Variants in AFDN observed in about 807,000 individuals in gnomAD.
The protein encoded by AFDN is afadin.
In AFDN, 68 loss-of-function variants were observed where a neutral mutation model predicts 216.6. The ratio of observed to expected loss-of-function variants is 0.31; its 90% CI spans 0.26 to 0.38. The LOEUF (loss-of-function observed/expected upper bound fraction) is 0.38. AFDN is among the 10% of genes least tolerant of loss of function. The probability of loss-of-function intolerance (pLI) is 1.00; values close to 1 mark genes in which losing one functional copy is unlikely to be tolerated. For synonymous variants in AFDN, 868 were observed against 853.7 expected (o/e 1.02, Z -0.29); for missense variants, 2,136 against 2,342.0 (o/e 0.91, Z 1.82).
chr6:167,946,277 G>C (rs1795245014), intron 26 of AFDN, among the ~76,000 whole-genome samples: 1 of 152,138 alleles, frequency 6.6e-6, no homozygotes, highest in South Asian at 2.1e-4. Flanking sequence ...AAGCAAAAAG[G>C]AGGAGAACTG....
intron 32 of AFDN, 69 bp downstream of exon 32, chr6:167,966,114 C>T (rs1356393406): frequency 6.5e-7 from 1 of 1,536,136 alleles, no homozygotes; most frequent in East Asian, 2.4e-5. Context: ...TAAACCACGG[C>T]CACCCCCCTG....
At chr6:167,969,598 T>A (rs1251336720) in intron 33 of AFDN, among the ~76,000 whole-genome samples, 184 bp from the exon 34 acceptor site, 1 of 152,206 alleles carries the variant, frequency 6.6e-6, no homozygotes, top group Non-Finnish European at 1.5e-5. Context: ...CAAGAGAACA[T>A]GTTGCCCTTT....
chr6:167,939,484 A>T (rs906331704), intron 23 of AFDN, among the ~76,000 whole-genome samples: 1 of 152,220 alleles, frequency 6.6e-6, no homozygotes, highest in Non-Finnish European at 1.5e-5. Flanking sequence ...AAGAAGGACT[A>T]TCAGCGCTCC....
chr6:167,879,168 T>G (rs1785801908), intron 5 of AFDN, among the ~76,000 whole-genome samples: 3 of 152,144 alleles, frequency 2.0e-5, no homozygotes, highest in Admixed American at 2.0e-4. Context: ...AGTGTGCACA[T>G]GGTAAAGATG....
intron 9 of AFDN, among the ~76,000 whole-genome samples, 183 bp from the exon 10 acceptor site, chr6:167,896,695 T>G (rs1226217870): frequency 6.6e-6 from 1 of 152,254 alleles, no homozygotes; most frequent in Non-Finnish European, 1.5e-5. Flanking sequence ...TACGTTTATT[T>G]CTTATTTTGA....
At chr6:167,836,443 A>G (rs942441609) in intron 1 of AFDN, among the ~76,000 whole-genome samples, 2 of 152,222 alleles carry the variant, frequency 1.3e-5, no homozygotes, top group African/African-American at 2.4e-5. Context: ...TTCCTGAGAA[A>G]CAGACACACA....
chr6:167,852,986 AGACC>A (rs1032386051), intron 1 of AFDN, among the ~76,000 whole-genome samples: 2 of 152,138 alleles, frequency 1.3e-5, no homozygotes, highest in Non-Finnish European at 2.9e-5. Flanking sequence ...TTTCTGACCT[AGACC>A]TGGATTAAGC....
At chr6:167,922,680 A>G (rs1791984802) in intron 21 of AFDN, among the ~76,000 whole-genome samples, 176 bp from the exon 22 acceptor site, 1 of 152,220 alleles carries the variant, frequency 6.6e-6, no homozygotes, top group African/African-American at 2.4e-5. Context: ...CTCTTGGACC[A>G]AAACAAATGG....
intron 27 of AFDN, among the ~76,000 whole-genome samples, chr6:167,947,543 G>A (rs758358475): frequency 3.7e-4 from 56 of 152,176 alleles, no homozygotes; most frequent in Non-Finnish European, 6.6e-4. Flanking sequence ...AGGATATGCA[G>A]CAGGAGACAA....
In AFDN at chr6:167,943,393, T is replaced by A; in HGVS notation, c.3166-9T>A. 6.2e-7 allele frequency: 1 copy of A among 1,613,878 alleles called. No individual in the cohort carries two copies. The highest frequency in any genetic ancestry group is 1.1e-5 in the South Asian group (1 of 91,068). On this transcript the variant is annotated splice_polypyrimidine_tract_variant and intron_variant, in intron 24 of 33. Transcript: ENST00000683244. ...CCTAATCCATGCACACACCTGTGGA[T>A]TTGCCTAGGATGGACGTCTAGCTGC...
chr6:167,865,415 T>C (rs1278958750), intron 2 of AFDN, among the ~76,000 whole-genome samples: 1 of 151,842 alleles, frequency 6.6e-6, no homozygotes, highest in Non-Finnish European at 1.5e-5. Context: ...GAAGATTGCT[T>C]GAGGCAACAT....
intron 23 of AFDN, among the ~76,000 whole-genome samples, chr6:167,940,047 A>G (rs988564193): frequency 3.9e-5 from 6 of 152,368 alleles, no homozygotes; most frequent in African/African-American, 1.2e-4. Context: ...GATCTGTTCA[A>G]GGACCACAGG....
intron 23 of AFDN, among the ~76,000 whole-genome samples, chr6:167,927,983 T>C (rs3778661): frequency 0.14 from 21,138 of 152,214 alleles, 1,695 homozygotes; most frequent in South Asian, 0.23. Context: ...TTTTCTGTTA[T>C]GTTCATCCTG....
At chr6:167,850,455 G>T (rs1440062395) in intron 1 of AFDN, among the ~76,000 whole-genome samples, 1 of 151,986 alleles carries the variant, frequency 6.6e-6, no homozygotes, top group African/African-American at 2.4e-5. Flanking sequence ...TCAATTTTTA[G>T]TGTACTATAA....
intron 29 of AFDN, among the ~76,000 whole-genome samples, chr6:167,949,035 G>A (rs1795665322): frequency 6.6e-6 from 1 of 152,246 alleles, no homozygotes; most frequent in Admixed American, 6.5e-5. Context: ...ATCTAAGGCA[G>A]TGAAGATAGG....
At position 167,902,387 on chromosome 6, in the gene AFDN, GT is replaced by G; in HGVS notation, c.1650+2del. ...TGGGACAGCATTACCGACAAGCAAG[GT>G]AGGTAATTATGGATTACCTGATAGA... On this transcript the variant is annotated splice_donor_variant, in intron 12 of 33. Coordinates refer to ENST00000683244, the MANE Select transcript of AFDN (RefSeq NM_001386888.1). LOFTEE classifies it high-confidence loss of function. The G allele has an allele frequency of 6.2e-7, 1 of 1,609,798 alleles. No individual in the cohort carries two copies. The highest frequency in any genetic ancestry group is 8.5e-7 in the Non-Finnish European group (1 of 1,176,616).
intron 13 of AFDN, among the ~76,000 whole-genome samples, chr6:167,908,666 A>G (rs1412494120): frequency 2.0e-5 from 3 of 152,352 alleles, no homozygotes; most frequent in African/African-American, 7.2e-5. Context: ...TATAGTGTCA[A>G]AATAGTAATA....
chr6:167,889,308 G>A lies in AFDN; in HGVS notation c.991G>A (p.Glu331Lys), dbSNP rs1326525449. The change falls in exon 7 of 34, where the codon GAA becomes AAA. Residue 331 changes from glutamate to lysine, a missense_variant. Physicochemically the swap from Glu to Lys is moderately conservative, Grantham distance 56 (BLOSUM62 1). Coordinates refer to ENST00000683244, the MANE Select transcript of AFDN (RefSeq NM_001386888.1). ...TGAGTGTCCTTTACAAATCTTCAGG[G>A]AATGGCCAAGTGACAAAGGTAGTAA... The part of the protein sequence containing the change: ...DDECPLQIFR[E>K]WPSDKGILVF... 2.5e-6 allele frequency: 4 copies of A among 1,612,108 alleles called. No homozygotes were observed. Among genetic ancestry groups the A allele is most frequent in the Non-Finnish European group, 8.5e-7 (1 of 1,178,170 alleles).
chr6:167,926,542 C>T lies in AFDN; in HGVS notation c.3099+1451C>T, dbSNP rs2340908. 4.7e-3 allele frequency among the ~76,000 whole-genome samples: 719 copies of T among 152,316 alleles called. 9 individuals carry two copies. Among genetic ancestry groups the T allele is most frequent in the African/African-American group, 0.016 (685 of 41,570 alleles). On this transcript the variant is annotated intron_variant, in intron 23 of 33. Transcript: ENST00000683244. ...TGAACTCCTGGGCCAAGTGATCCTC[C>T]GGCCTCAGCCTCCCAAGTAGCTAGG...
Sources: allele counts gnomAD v4.1 joint callset (sites outside exome capture counted in the v4.1 genomes callset), GRCh38; gene constraint gnomAD v4.1.1; transcripts MANE v1.5; gene names NCBI Gene and HGNC (gene_info 2026-07-23, HGNC 2026-07-21).